IMMP2L: variants seen among roughly 807,000 people sequenced by gnomAD.
The protein encoded by IMMP2L is mitochondrial inner membrane protease subunit 2.
IMMP2L carries 18 observed loss-of-function variants against 19.3 expected under a neutral mutation model. That is an observed-to-expected ratio of 0.93 (90% CI 0.64 to 1.38). The LOEUF (loss-of-function observed/expected upper bound fraction) is 1.38, where lower values mean the gene tolerates loss of function less well. IMMP2L is among the 40% of genes most tolerant of loss of function. IMMP2L has a pLI of 0.00. For missense variants in IMMP2L, 233 were observed against 218.2 expected, an observed-to-expected ratio of 1.07 and a Z score of -0.43; for synonymous variants, 76 against 73.0, an observed-to-expected ratio of 1.04 and a Z score of -0.21.
rs112940604 is a variant in IMMP2L, at chr7:110,993,615, A to T, written c.240-30050T>A. Among the ~76,000 whole-genome samples, 1,341 of 151,688 alleles carry T rather than the reference A, an allele frequency of 8.8e-3. 21 individuals are homozygous for T. Among genetic ancestry groups the T allele is most frequent in the South Asian group, 0.048 (228 of 4,798 alleles). ...TTCATGAAAAAAAAAAACAGACCTC[A>T]AACCTCTATTATTTAAAGTTCTAAA... On this transcript the variant is annotated intron_variant, in intron 3 of 5. Transcript: ENST00000405709.
At chr7:110,697,279 T>C (rs770520665) in intron 5 of IMMP2L, among the ~76,000 whole-genome samples, 9 of 152,180 alleles carry the variant, frequency 5.9e-5, no homozygotes, top group Admixed American at 1.3e-4. Context: ...TCAGAGTTAA[T>C]TGACTAATCA....
At position 111,473,916 on chromosome 7, in the gene IMMP2L, A is replaced by G. The variant is rs137909943; in HGVS notation, c.239+13322T>C. Among the ~76,000 whole-genome samples, 1,016 of 152,262 alleles carry G rather than the reference A, an allele frequency of 6.7e-3. 13 individuals carry two copies. Among genetic ancestry groups the G allele is most frequent in the South Asian group, 0.012 (57 of 4,828 alleles). The stretch of plus-strand genomic sequence containing the variant: ...GCACAATGGCTAAGACATGGAATCA[A>G]CCTAGGTGCCCATCAACAGTGGACT... On this transcript the variant is annotated intron_variant, in intron 3 of 5. Coordinates refer to ENST00000405709, the MANE Select transcript of IMMP2L (RefSeq NM_032549.4).
At chr7:110,788,865 C>T (rs555785042) in intron 5 of IMMP2L, among the ~76,000 whole-genome samples, 2 of 151,732 alleles carry the variant, frequency 1.3e-5, no homozygotes, top group African/African-American at 4.9e-5. Context: ...TCCTTGATTC[C>T]GTGTGAACCT....
intron 1 of IMMP2L, among the ~76,000 whole-genome samples, chr7:111,559,053 C>T (rs1208240359): frequency 1.3e-5 from 2 of 152,172 alleles, no homozygotes; most frequent in Non-Finnish European, 1.5e-5. Flanking sequence ...TGCTCATTTT[C>T]GGTGGGCTGT....
At chr7:110,732,271 C>T (rs1219785866) in intron 5 of IMMP2L, among the ~76,000 whole-genome samples, 1 of 152,188 alleles carries the variant, frequency 6.6e-6, no homozygotes, top group African/African-American at 2.4e-5. Flanking sequence ...AAATATTTCC[C>T]TATATGTCAA....
intron 3 of IMMP2L, among the ~76,000 whole-genome samples, chr7:111,441,960 A>C (rs527551920): frequency 2.0e-5 from 3 of 151,754 alleles, no homozygotes; most frequent in African/African-American, 7.3e-5. Flanking sequence ...AACATGGTGA[A>C]ACCCTGTCTC....
At chr7:111,224,211 T>C (rs1026449124) in intron 3 of IMMP2L, among the ~76,000 whole-genome samples, 13 of 152,078 alleles carry the variant, frequency 8.5e-5, no homozygotes, top group Non-Finnish European at 1.5e-5. Context: ...CTTTGTGAAC[T>C]GAAATGCATT....
intron 3 of IMMP2L, among the ~76,000 whole-genome samples, chr7:111,092,334 ATTGT>A (rs1796958636): frequency 6.6e-6 from 1 of 152,176 alleles, no homozygotes. Context: ...ATTTAAGAAA[ATTGT>A]TTGTTCTAAC....
chr7:111,338,297 T>C (rs539387688), intron 3 of IMMP2L, among the ~76,000 whole-genome samples: 3 of 152,128 alleles, frequency 2.0e-5, no homozygotes, highest in Non-Finnish European at 4.4e-5. Flanking sequence ...AGAAATGCTA[T>C]TGCTATTTTT....
chr7:111,535,755 T>A (rs1847831724), intron 1 of IMMP2L, among the ~76,000 whole-genome samples: 1 of 152,072 alleles, frequency 6.6e-6, no homozygotes, highest in African/African-American at 2.4e-5. Context: ...GCAAATGAGT[T>A]GGGAGAACAG....
chr7:111,425,282 G>C (rs1230800797), intron 3 of IMMP2L, among the ~76,000 whole-genome samples: 1 of 145,340 alleles, frequency 6.9e-6, no homozygotes, highest in Non-Finnish European at 1.6e-5. Context: ...AGGACCATGA[G>C]AGGACTTTCT....
intron 3 of IMMP2L, among the ~76,000 whole-genome samples, chr7:110,980,819 C>G (rs1821222883): frequency 6.6e-6 from 1 of 152,108 alleles, no homozygotes; most frequent in African/African-American, 2.4e-5. Flanking sequence ...AGATGAGCTT[C>G]TATGCTATTC....
intron 5 of IMMP2L, among the ~76,000 whole-genome samples, chr7:110,800,396 G>C (rs1405053501): frequency 6.6e-6 from 1 of 151,846 alleles, no homozygotes; most frequent in Non-Finnish European, 1.5e-5. Context: ...TAATTTTCAG[G>C]GTTTTCCATG....
chr7:111,142,143 T>A (rs917438306), intron 3 of IMMP2L, among the ~76,000 whole-genome samples: 1 of 152,012 alleles, frequency 6.6e-6, no homozygotes, highest in Non-Finnish European at 1.5e-5. Context: ...CTGGCCAACA[T>A]GGTGAAACCT....
chr7:110,764,194 A>C (rs139326851), intron 5 of IMMP2L, among the ~76,000 whole-genome samples: 231 of 152,228 alleles, frequency 1.5e-3, no homozygotes, highest in African/African-American at 5.4e-3. Flanking sequence ...TGGCAAATGA[A>C]AGGGCTCTGA....
intron 2 of IMMP2L, among the ~76,000 whole-genome samples, chr7:111,510,670 C>A (rs927369995): frequency 6.6e-6 from 1 of 152,102 alleles, no homozygotes; most frequent in Non-Finnish European, 1.5e-5. Flanking sequence ...CAGGGACCAC[C>A]CCTACAGCTT....
At chr7:111,342,274 CT>C (rs551951109) in intron 3 of IMMP2L, among the ~76,000 whole-genome samples, 3 of 152,048 alleles carry the variant, frequency 2.0e-5, no homozygotes, top group Non-Finnish European at 4.4e-5. Context: ...TTTATAAAAT[CT>C]TTTTTGCATA....
At chr7:111,315,904 C>A (rs1824016120) in intron 3 of IMMP2L, among the ~76,000 whole-genome samples, 1 of 152,068 alleles carries the variant, frequency 6.6e-6, no homozygotes, top group African/African-American at 2.4e-5. Flanking sequence ...AGTTATGCAT[C>A]ACTTAATGAT....
intron 3 of IMMP2L, among the ~76,000 whole-genome samples, chr7:111,006,981 C>T (rs889228394): frequency 6.6e-5 from 10 of 152,090 alleles, no homozygotes; most frequent in African/African-American, 2.4e-4. Context: ...TCCCTCCTCC[C>T]ATTTTCTCTT....
Sources: gnomAD v4.1 joint callset for allele counts (sites outside exome capture counted in the v4.1 genomes callset) on GRCh38, gnomAD v4.1.1 for gene constraint, MANE v1.5 for transcripts, NCBI Gene and HGNC (gene_info 2026-07-23, HGNC 2026-07-21) for gene names.